The following CR1 variants were observed in gnomAD, a reference collection of about 807,000 sequenced individuals.
CR1 encodes complement C3b/C4b receptor 1 (Knops blood group).
Under a neutral mutation model 187.3 loss-of-function variants are expected in CR1, and 116 were observed. The observed-to-expected ratio is 0.62, with a 90% confidence interval of 0.53 to 0.72. The LOEUF is 0.72. Ranked by LOEUF, CR1 falls within the 30% of genes least tolerant of loss-of-function variation. The probability of loss-of-function intolerance (pLI) is 0.00; values close to 1 mark genes in which losing one functional copy is unlikely to be tolerated. For synonymous variants in CR1, 576 were observed against 747.1 expected, an observed-to-expected ratio of 0.77 and a Z score of 3.73; for missense variants, 1,731 against 2,110.7, an observed-to-expected ratio of 0.82 and a Z score of 3.52.
rs71570062 is a variant in CR1 at position 207,514,980 on chromosome 1, C to CATAT, written c.487+3338_487+3341dup. Among the ~76,000 whole-genome samples the CATAT allele has an allele frequency of 5.4e-5, 7 of 129,338 alleles. No homozygotes were observed. In the East Asian group the frequency reaches 6.7e-4, roughly 12 times the overall value. The allele number at this position is 129,338 out of a possible 152,430, so 84.9% of individuals were successfully genotyped here. A position where few individuals can be genotyped will look rare whatever the true frequency, so the allele number is the denominator to read the frequency against. On this transcript the variant is annotated intron_variant, in intron 4 of 46. Transcript: ENST00000367049. ...ATGTAGACTTTTGGCTGAAGTATAA[C>CATAT]ATATATATATATATACACACACACA...
chr1:207,582,391 G>A (rs78150633), intron 32 of CR1, among the ~76,000 whole-genome samples: 1,836 of 152,170 alleles, frequency 0.012, 24 homozygotes, highest in Non-Finnish European at 0.02. Context: ...AATTATTTGA[G>A]CACCTACTAT....
chr1:207,608,433 A>G (rs1428350520), intron 36 of CR1, among the ~76,000 whole-genome samples: 1 of 152,192 alleles, frequency 6.6e-6, no homozygotes, highest in East Asian at 1.9e-4. Context: ...TTATCTTTGA[A>G]CCATTTTCAC....
At chr1:207,502,408 A>G (rs1484799790) in intron 1 of CR1, among the ~76,000 whole-genome samples, 1 of 152,146 alleles carries the variant, frequency 6.6e-6, no homozygotes, top group African/African-American at 2.4e-5. Context: ...GGGTGTGTTC[A>G]GGGTGGTATG....
chr1:207,497,190 A>G (rs576095605), intron 1 of CR1, among the ~76,000 whole-genome samples: 1 of 152,370 alleles, frequency 6.6e-6, no homozygotes, highest in Admixed American at 6.5e-5. Flanking sequence ...AAGGGACAGT[A>G]GATATGTTTA....
intron 29 of CR1, among the ~76,000 whole-genome samples, chr1:207,578,804 A>G (rs1442496237): frequency 6.6e-6 from 1 of 152,268 alleles, no homozygotes; most frequent in African/African-American, 2.4e-5. Flanking sequence ...GCCTCAGAAT[A>G]GACAAAGACC....
chr1:207,616,756 G>A lies in CR1; in HGVS notation c.6843G>A (p.Gly2281=), dbSNP rs757542511. The A allele has an allele frequency of 1.2e-6, 2 of 1,613,936 alleles. No homozygotes were observed. The highest frequency in any genetic ancestry group is 1.7e-5 in the Admixed American group (1 of 60,014). ...GCACAAGTGACCCTCAAGGGAATGG[G>A]GTTTGGAGCAGCCCTGCCCCTCGCT... ...IRCTSDPQGN[G]VWSSPAPRCE... is the part of the protein sequence containing the mutation. Residue 2281 remains glycine (G), a synonymous_variant, in exon 41 of 47, where the codon GGG becomes GGA. Coordinates refer to ENST00000367049, the MANE Select transcript of CR1 (RefSeq NM_000651.6).
chr1:207,610,767 G>A (rs1315098487), intron 37 of CR1, among the ~76,000 whole-genome samples: 1 of 152,042 alleles, frequency 6.6e-6, no homozygotes. Flanking sequence ...TTGAGGGGGG[G>A]TTGTTCTTTT....
chr1:207,617,579 A>G (rs12402225), intron 41 of CR1, among the ~76,000 whole-genome samples: 16,220 of 47,018 alleles, frequency 0.34, 2,830 homozygotes, highest in African/African-American at 0.52. Flanking sequence ...GTGTGTGTGT[A>G]TATATATATA....
At chr1:207,507,822 A>G (rs1659490801) in intron 3 of CR1, among the ~76,000 whole-genome samples, 1 of 152,212 alleles carries the variant, frequency 6.6e-6, no homozygotes, top group Non-Finnish European at 1.5e-5. Context: ...AAAAAAAAGA[A>G]ATCTGCACAC....
chr1:207,609,274 C>T lies in CR1; in HGVS notation c.5897-16C>T, dbSNP rs1247084149. On this transcript the variant is annotated splice_polypyrimidine_tract_variant and intron_variant, in intron 36 of 46. Transcript: ENST00000367049. ...TTAAAAAATAAGCTGTTTTACCATA[C>T]TCTTCCTTCTCTCAGTCATATCTTG... is the stretch of plus-strand genomic sequence containing the variant. The T allele has an allele frequency of 3.2e-6, 5 of 1,564,056 alleles. No individual in the cohort carries two copies. The highest frequency in any genetic ancestry group is 3.5e-6 in the Non-Finnish European group (4 of 1,153,666).
At chr1:207,575,426 A>G (rs1020446802) in intron 27 of CR1, among the ~76,000 whole-genome samples, 169 bp from the exon 28 acceptor site, 1 of 152,218 alleles carries the variant, frequency 6.6e-6, no homozygotes, top group Non-Finnish European at 1.5e-5. Flanking sequence ...CTCTTTCAAT[A>G]ATGAAAGAAT....
chr1:207,575,556 G>C, intron 27 of CR1, 39 bp from the exon 28 acceptor site: 1 of 1,611,510 alleles, frequency 6.2e-7, no homozygotes, highest in Non-Finnish European at 8.5e-7. Context: ...AGTTGATGAG[G>C]TATGTACAGG....
chr1:207,611,570 T>A (rs1235806162), intron 37 of CR1, 107 bp from the exon 38 acceptor site: 5 of 1,493,938 alleles, frequency 3.3e-6, no homozygotes, highest in Non-Finnish European at 2.7e-6. Context: ...TCTCTTTTAA[T>A]AGCTGCACTC....
intron 4 of CR1, among the ~76,000 whole-genome samples, chr1:207,512,413 A>G (rs368733091): frequency 2.0e-5 from 3 of 152,230 alleles, no homozygotes; most frequent in South Asian, 4.1e-4. Flanking sequence ...AAAGAGATGT[A>G]TTTTATGTGG....
chr1:207,580,111 T>C, intron 29 of CR1, 129 bp from the exon 30 acceptor site: 1 of 1,326,586 alleles, frequency 7.5e-7, no homozygotes, highest in Non-Finnish European at 1.0e-6. Flanking sequence ...GATTTACAAG[T>C]GAATTTGGGG....
In CR1 at chr1:207,568,095, C is replaced by T. The variant is rs556276468; in HGVS notation, c.4171+53C>T. 3.1e-6 allele frequency: 5 copies of T among 1,610,306 alleles called. No individual in the cohort carries two copies. In the East Asian group the frequency reaches 1.1e-4, roughly 36 times the overall value. ...ATGGGTTCAGAATATCTAACCCAGC[C>T]CCTCCATATTTCCATAATTACAGTG... is the stretch of plus-strand genomic sequence containing the variant. On this transcript the variant is annotated intron_variant, in intron 25 of 46. Transcript: ENST00000367049.
At chr1:207,586,088 T>G (rs535010102) in intron 33 of CR1, among the ~76,000 whole-genome samples, 2 of 152,126 alleles carry the variant, frequency 1.3e-5, no homozygotes, top group South Asian at 4.2e-4. Context: ...GCTGATGGCT[T>G]AGTCTGTTTT....
chr1:207,500,089 A>C (rs1463516462), intron 1 of CR1, among the ~76,000 whole-genome samples: 7 of 152,246 alleles, frequency 4.6e-5, no homozygotes, highest in Non-Finnish European at 1.0e-4. Flanking sequence ...AAAAACCTAG[A>C]AAGTATCATG....
intron 4 of CR1, among the ~76,000 whole-genome samples, chr1:207,520,169 C>A (rs1659930323): frequency 6.6e-6 from 1 of 152,234 alleles, no homozygotes; most frequent in Non-Finnish European, 1.5e-5. Context: ...AGAAGCAGGG[C>A]TTAGTCACCC....
Sources: gnomAD v4.1 joint callset for allele counts (sites outside exome capture counted in the v4.1 genomes callset) on GRCh38, gnomAD v4.1.1 for gene constraint, MANE v1.5 for transcripts, NCBI Gene and HGNC (gene_info 2026-07-23, HGNC 2026-07-21) for gene names.